Variants in RNF152 observed in about 807,000 individuals in gnomAD.
RNF152 encodes the protein ring finger protein 152.
RNF152 carries 11 observed loss-of-function variants against 12.7 expected under a neutral mutation model. The ratio of observed to expected loss-of-function variants is 0.86; its 90% confidence interval spans 0.54 to 1.43. The LOEUF is 1.43. Ranked by LOEUF, RNF152 falls within the 40% of genes most tolerant of loss-of-function variation. RNF152 has a pLI of 0.00. For missense variants in RNF152, 255 were observed against 274.8 expected, an observed-to-expected ratio of 0.93 and a Z score of 0.51; for synonymous variants, 113 against 120.3, an observed-to-expected ratio of 0.94 and a Z score of 0.40.
In RNF152 at chr18:61,808,616, A is replaced by T. The variant is rs939967097; in HGVS notation, c.*7236T>A. 12 of 152,142 alleles carry T rather than the reference A, an allele frequency of 7.9e-5. No homozygotes were observed. The highest frequency in any genetic ancestry group is 2.0e-4 in the Admixed American group (3 of 15,270). 9.4% of individuals were successfully genotyped at this position (152,142 alleles called of 1,614,324 possible). On this transcript the variant is annotated 3_prime_UTR_variant, in exon 2 of 2. Transcript: ENST00000312828. ...ATGTAGGGAGTTTGTAACAGCCCCA[A>T]GCTGAAACCAGCTTCTACACCCATG...
In RNF152 at chr18:61,816,029, C is replaced by A. The variant is rs768498630; in HGVS notation, c.435G>T (p.Gly145=). ...IPAEQQPLQG[G]APQEAVEEEQ... is the part of the protein sequence containing the mutation. ...CCTCCTCCACCGCCTCCTGGGGAGCCCCACCTTGCAGAGGCTGCTGTTCAG... is the reference window on the plus strand; with the variant it reads ...CCTCCTCCACCGCCTCCTGGGGAGCACCACCTTGCAGAGGCTGCTGTTCAG... Residue 145 remains glycine, a synonymous_variant, in exon 2 of 2, where the codon GGG becomes GGT. Transcript: ENST00000312828. 1.9e-6 allele frequency: 3 copies of A among 1,614,212 alleles called. No individual in the cohort carries two copies. The highest frequency in any genetic ancestry group is 2.5e-6 in the Non-Finnish European group (3 of 1,180,042).
intron 1 of RNF152, among the ~76,000 whole-genome samples, chr18:61,871,940 G>A (rs1483444378): frequency 6.6e-6 from 1 of 152,170 alleles, no homozygotes; most frequent in Non-Finnish European, 1.5e-5. Context: ...CAGTATATGG[G>A]TCAATTCTCA....
chr18:61,867,816 G>T (rs756921077), intron 1 of RNF152, among the ~76,000 whole-genome samples: 1 of 152,112 alleles, frequency 6.6e-6, no homozygotes. Flanking sequence ...GTAAAATACT[G>T]CTCTTAAATC....
chr18:61,850,252 C>T (rs923284863), intron 1 of RNF152, among the ~76,000 whole-genome samples: 3 of 152,224 alleles, frequency 2.0e-5, no homozygotes, highest in South Asian at 2.1e-4. Flanking sequence ...AAAGCACGAC[C>T]TCATACAGTT....
intron 1 of RNF152, among the ~76,000 whole-genome samples, chr18:61,878,808 A>C (rs1912328429): frequency 6.6e-6 from 1 of 152,192 alleles, no homozygotes; most frequent in Non-Finnish European, 1.5e-5. Flanking sequence ...CAGAGCCTTC[A>C]TGGCCTAATC....
intron 1 of RNF152, among the ~76,000 whole-genome samples, chr18:61,880,129 C>T: frequency 6.6e-6 from 1 of 152,118 alleles, no homozygotes; most frequent in East Asian, 1.9e-4. Flanking sequence ...TTCACAGAAA[C>T]CTGAATTAGC....
At chr18:61,892,770 C>G (rs772858665) in intron 1 of RNF152, 25 bp downstream of exon 1, 1 of 152,244 alleles carries the variant, frequency 6.6e-6, no homozygotes, top group African/African-American at 2.4e-5. Context: ...GACACCCAGG[C>G]GCTACCCAGA....
In RNF152 at chr18:61,816,245, C is replaced by T. The variant is rs143298143; in HGVS notation, c.219G>A (p.Pro73=). The T allele has an allele frequency of 8.8e-4, 1,413 of 1,614,202 alleles. 1 individual carries two copies. Among genetic ancestry groups the T allele is most frequent in the Non-Finnish European group, 1.1e-3 (1,328 of 1,180,032 alleles). The part of the protein sequence containing the change: ...GFSVSQLPDD[P]EVLAVIAIPH... ...GAATGGCGATGACAGCCAGGACCTC[C>T]GGGTCGTCCGGGAGCTGCGACACGG... Residue 73 remains proline (P), a synonymous_variant, in exon 2 of 2, where the codon CCG becomes CCA. Transcript: ENST00000312828.
chr18:61,817,186 A>G (rs1909149111), intron 1 of RNF152, among the ~76,000 whole-genome samples: 3 of 152,366 alleles, frequency 2.0e-5, no homozygotes, highest in Admixed American at 2.0e-4. Flanking sequence ...GGCATCTTTC[A>G]TCTTTCCCAA....
At chr18:61,865,638 ATTTAG>A (rs761242262) in intron 1 of RNF152, among the ~76,000 whole-genome samples, 1 of 152,184 alleles carries the variant, frequency 6.6e-6, no homozygotes, top group African/African-American at 2.4e-5. Context: ...CCGTTGTGGA[ATTTAG>A]TTTAGAGTCT....
intron 1 of RNF152, among the ~76,000 whole-genome samples, chr18:61,829,263 TG>T (rs1909819103): frequency 6.6e-6 from 1 of 152,130 alleles, no homozygotes; most frequent in African/African-American, 2.4e-5. Flanking sequence ...ACGACTGGCC[TG>T]CCCAGTGGTG....
At chr18:61,829,254 C>A (rs74317463) in intron 1 of RNF152, among the ~76,000 whole-genome samples, 1 of 152,122 alleles carries the variant, frequency 6.6e-6, no homozygotes, top group African/African-American at 2.4e-5. Context: ...ACAGCCTGGA[C>A]GACTGGCCTG....
chr18:61,854,586 C>A (rs921805170), intron 1 of RNF152, among the ~76,000 whole-genome samples: 1 of 152,166 alleles, frequency 6.6e-6, no homozygotes, highest in Non-Finnish European at 1.5e-5. Flanking sequence ...GTATTTGGAG[C>A]CTCAATTAGT....
At chr18:61,859,249 C>G (rs117878853) in intron 1 of RNF152, among the ~76,000 whole-genome samples, 1 of 152,200 alleles carries the variant, frequency 6.6e-6, no homozygotes, top group Admixed American at 6.5e-5. Flanking sequence ...GTCCTTCCCA[C>G]GGGTACCATC....
intron 1 of RNF152, among the ~76,000 whole-genome samples, chr18:61,853,078 A>ACAT (rs1355541230): frequency 6.6e-6 from 1 of 152,220 alleles, no homozygotes; most frequent in South Asian, 2.1e-4. Context: ...ATACAATGTC[A>ACAT]CATTTAACTA....
intron 1 of RNF152, chr18:61,888,231 T>C (rs1268814923): frequency 6.6e-6 from 1 of 152,196 alleles, no homozygotes; most frequent in Non-Finnish European, 1.5e-5. Flanking sequence ...ATCATGGACA[T>C]CAAGAACCAC....
chr18:61,880,099 A>T (rs1198567123), intron 1 of RNF152, among the ~76,000 whole-genome samples: 1 of 152,186 alleles, frequency 6.6e-6, no homozygotes, highest in Non-Finnish European at 1.5e-5. Context: ...CCCTTCTAGA[A>T]ACAATTCACA....
chr18:61,863,806 G>A (rs1166748033), intron 1 of RNF152, among the ~76,000 whole-genome samples: 1 of 152,170 alleles, frequency 6.6e-6, no homozygotes, highest in Non-Finnish European at 1.5e-5. Context: ...AGCAACACCT[G>A]ACAAGAGTAA....
intron 1 of RNF152, among the ~76,000 whole-genome samples, chr18:61,886,805 G>A (rs1005047024): frequency 1.3e-5 from 2 of 152,228 alleles, no homozygotes; most frequent in South Asian, 4.1e-4. Context: ...TCAATCGTAG[G>A]TGATAATACA....
Sources: gnomAD v4.1 joint callset for allele counts (sites outside exome capture counted in the v4.1 genomes callset) on GRCh38, gnomAD v4.1.1 for gene constraint, MANE v1.5 for transcripts, NCBI Gene and HGNC (gene_info 2026-07-23, HGNC 2026-07-21) for gene names.